CAPN13: variants seen among roughly 807,000 people sequenced by gnomAD.
The protein encoded by CAPN13 is calpain-13.
In CAPN13, 90 loss-of-function variants were observed where a neutral mutation model predicts 98.4. The ratio of observed to expected loss-of-function variants is 0.92; its 90% CI spans 0.77 to 1.09. The LOEUF (loss-of-function observed/expected upper bound fraction) is 1.09, where lower values mean the gene tolerates loss of function less well. Ranked by LOEUF, CAPN13 falls within the 50% of genes least tolerant of loss-of-function variation. CAPN13 has a pLI of 0.00. For missense variants in CAPN13, 887 were observed against 841.3 expected, an observed-to-expected ratio of 1.05 and a Z score of -0.67; for synonymous variants, 330 against 305.5, an observed-to-expected ratio of 1.08 and a Z score of -0.84.
Position 30,787,200 on chromosome 2 carries a change from T to G in CAPN13, c.126A>C (p.Ala42=), listed in dbSNP as rs763585678. 2 of 1,604,422 alleles carry G rather than the reference T, an allele frequency of 1.2e-6. No homozygotes were observed. The highest frequency in any genetic ancestry group is 4.5e-5 in the East Asian group (2 of 44,634). Residue 42 remains alanine, a synonymous_variant, in exon 2 of 23, where the codon GCA becomes GCC. Coordinates refer to ENST00000295055, the MANE Select transcript of CAPN13 (RefSeq NM_144575.3). ...GCTTCTGGCCTATGGAAGAATCTGC[T>G]GCAGGGAATGTCTCATCCTTAAACG... The part of the protein sequence containing the change: ...GRTFKDETFP[A]ADSSIGQKLL...
rs376727321 is a variant in CAPN13 at position 30,744,778 on chromosome 2, C to G, written c.1248+945G>C. On this transcript the variant is annotated intron_variant, in intron 12 of 22. Transcript: ENST00000295055. ...GCTTAGAGTATCCAGCATCAACAAA[C>G]CACACACCCAGGACTGGTCATGCAC... Among the ~76,000 whole-genome samples, 5 of 152,156 alleles carry G rather than the reference C, an allele frequency of 3.3e-5. No individual in the cohort carries two copies. In the South Asian group the frequency reaches 1.0e-3, roughly 32 times the overall value.
chr2:30,787,102 G>GGGGCTCCCCACA, intron 2 of CAPN13, 26 bp downstream of exon 2: 1 of 1,517,128 alleles, frequency 6.6e-7, no homozygotes, highest in Non-Finnish European at 8.9e-7. Flanking sequence ...CCTGGAGCTG[G>GGGGCTCCCCACA]GTATGCTCGT....
chr2:30,787,206 G>T lies in CAPN13; in HGVS notation c.120C>A (p.Phe40Leu), dbSNP rs773638218. The change falls in exon 2 of 23, where the codon TTC (phenylalanine) becomes TTA (leucine). Residue 40 changes from phenylalanine to leucine, a missense_variant. Physicochemically the swap from Phe to Leu is conservative, Grantham distance 22. Coordinates refer to ENST00000295055, the MANE Select transcript of CAPN13 (RefSeq NM_144575.3). ...SMGRTFKDETFPAADSSIGQK... is the reference protein window; with the variant it reads ...SMGRTFKDETLPAADSSIGQK... The stretch of plus-strand genomic sequence containing the variant: ...GGCCTATGGAAGAATCTGCTGCAGG[G>T]AATGTCTCATCCTTAAACGTCCGGC... The T allele has an allele frequency of 1.2e-6, 2 of 1,606,642 alleles. No homozygotes were observed. The highest frequency in any genetic ancestry group is 2.2e-5 in the East Asian group (1 of 44,686).
intron 8 of CAPN13, among the ~76,000 whole-genome samples, chr2:30,755,256 C>T (rs1386757459): frequency 6.6e-6 from 1 of 152,018 alleles, no homozygotes; most frequent in East Asian, 1.9e-4. Context: ...CCTTGCTTGG[C>T]CCCCAAATGC....
At chr2:30,728,987 T>C (rs1670960117) in intron 22 of CAPN13, among the ~76,000 whole-genome samples, 1 of 152,108 alleles carries the variant, frequency 6.6e-6, no homozygotes, top group Non-Finnish European at 1.5e-5. Flanking sequence ...ATGAAGAAAT[T>C]TAAAAGATAC....
At chr2:30,750,864 G>A (rs1026885817) in intron 11 of CAPN13, among the ~76,000 whole-genome samples, 5 of 152,186 alleles carry the variant, frequency 3.3e-5, no homozygotes, top group South Asian at 4.1e-4. Context: ...CCCAGAAAAC[G>A]CTGACAGGCG....
intron 11 of CAPN13, 22 bp downstream of exon 11, chr2:30,751,081 G>A: frequency 6.2e-7 from 1 of 1,611,598 alleles, no homozygotes; most frequent in Non-Finnish European, 8.5e-7. Context: ...ACAAGGGAAA[G>A]CCCTGAAGCA....
intron 7 of CAPN13, among the ~76,000 whole-genome samples, chr2:30,762,347 C>T (rs1672891296): frequency 6.6e-6 from 1 of 152,224 alleles, no homozygotes; most frequent in African/African-American, 2.4e-5. Context: ...TGCCAGCCTC[C>T]TCCTCTTCCA....
chr2:30,751,076 G>A, intron 11 of CAPN13, 27 bp downstream of exon 11: 1 of 1,610,552 alleles, frequency 6.2e-7, no homozygotes, highest in Non-Finnish European at 8.5e-7. Flanking sequence ...TTTCTACAAG[G>A]GAAAGCCCTG....
chr2:30,749,211 A>C (rs911631059), intron 11 of CAPN13, among the ~76,000 whole-genome samples: 1 of 152,246 alleles, frequency 6.6e-6, no homozygotes, highest in Non-Finnish European at 1.5e-5. Context: ...CCAAAATCCA[A>C]AACTTTTTGA....
At chr2:30,769,438 A>G (rs944925510) in intron 5 of CAPN13, among the ~76,000 whole-genome samples, 3 of 151,944 alleles carry the variant, frequency 2.0e-5, no homozygotes, top group African/African-American at 7.3e-5. Flanking sequence ...TCGTGTTTCC[A>G]TTGTATTGAT....
At chr2:30,770,494 G>T in intron 4 of CAPN13, 45 bp from the exon 5 acceptor site, 1 of 1,597,998 alleles carries the variant, frequency 6.3e-7, no homozygotes, top group South Asian at 1.1e-5. Flanking sequence ...TGAGGCAGAA[G>T]GGAGCTCCTG....
chr2:30,777,625 AC>A lies in CAPN13; in HGVS notation c.212del (p.Gly71ValfsTer10). ...IWKRPQDLPG[G>X]PPHFILDDIS... Reference sequence around the variant, plus strand: ...TATCATCCAGGATGAAGTGAGGAGGACCCCCTGGTAGATCCTTTAGGAAAGA... The same window carrying A: ...TATCATCCAGGATGAAGTGAGGAGGACCCCTGGTAGATCCTTTAGGAAAGA... On this transcript the variant is annotated frameshift_variant, in exon 3 of 23. Coordinates refer to ENST00000295055, the MANE Select transcript of CAPN13 (RefSeq NM_144575.3). LOFTEE classifies it high-confidence loss of function. 6.3e-7 allele frequency: 1 copy of A among 1,575,716 alleles called. No individual in the cohort carries two copies. Among genetic ancestry groups the A allele is most frequent in the Non-Finnish European group, 8.6e-7 (1 of 1,158,948 alleles).
chr2:30,758,271 A>T, intron 7 of CAPN13, 134 bp from the exon 8 acceptor site: 1 of 625,652 alleles, frequency 1.6e-6, no homozygotes, highest in Non-Finnish European at 2.7e-6. Flanking sequence ...CAGAAAAAAA[A>T]TTGAAAGGGA....
At chr2:30,733,404 G>T (rs1014265102) in intron 19 of CAPN13, among the ~76,000 whole-genome samples, 1 of 152,064 alleles carries the variant, frequency 6.6e-6, no homozygotes, top group Non-Finnish European at 1.5e-5. Flanking sequence ...GCTGCTGAAG[G>T]CTTACTGAAT....
intron 1 of CAPN13, among the ~76,000 whole-genome samples, chr2:30,797,590 T>A (rs1277537964): frequency 6.6e-6 from 1 of 152,178 alleles, no homozygotes; most frequent in Non-Finnish European, 1.5e-5. Context: ...TAATAAAAGC[T>A]TGTGTCCATT....
intron 4 of CAPN13, among the ~76,000 whole-genome samples, chr2:30,772,419 C>T (rs1007273797): frequency 6.6e-6 from 1 of 152,170 alleles, no homozygotes; most frequent in East Asian, 1.9e-4. Flanking sequence ...GCACTGCAGC[C>T]GCTTCTGGGG....
At chr2:30,805,338 A>AGGTG (rs1675547263) in intron 1 of CAPN13, among the ~76,000 whole-genome samples, 1 of 152,164 alleles carries the variant, frequency 6.6e-6, no homozygotes, top group Admixed American at 6.5e-5. Flanking sequence ...AAGAGAGGCC[A>AGGTG]GGTGGTGGCA....
rs551649208 is a variant in CAPN13 at position 30,753,913 on chromosome 2, T to C, written c.941+377A>G. ...ATAGAGTCTGCATCCTGCTGCTGTT[T>C]TTGACGTCATGCTAGAGGAAACTGG... On this transcript the variant is annotated intron_variant, in intron 9 of 22. Coordinates refer to ENST00000295055, the MANE Select transcript of CAPN13 (RefSeq NM_144575.3). Among the ~76,000 whole-genome samples, 595 of 152,268 alleles carry C rather than the reference T, an allele frequency of 3.9e-3. 5 individuals carry two copies. Among genetic ancestry groups the C allele is most frequent in the African/African-American group, 0.014 (574 of 41,548 alleles).
Sources: gnomAD v4.1 joint callset for allele counts (sites outside exome capture counted in the v4.1 genomes callset) on GRCh38, gnomAD v4.1.1 for gene constraint, MANE v1.5 for transcripts, NCBI Gene and HGNC (gene_info 2026-07-23, HGNC 2026-07-21) for gene names.